Variants in SLC5A7 observed in about 807,000 individuals in gnomAD.
The protein encoded by SLC5A7 is solute carrier family 5 member 7, also known as high affinity choline transporter 1.
A neutral mutation model predicts 55.4 loss-of-function variants in SLC5A7; 19 were observed. The observed-to-expected ratio is 0.34, with a 90% confidence interval of 0.24 to 0.50. The LOEUF is 0.50. SLC5A7 is among the 20% of genes least tolerant of loss of function. SLC5A7 has a pLI of 0.98. For synonymous variants in SLC5A7, 265 were observed against 263.7 expected, an observed-to-expected ratio of 1.00 and a Z score of -0.05; for missense variants, 506 against 705.3, an observed-to-expected ratio of 0.72 and a Z score of 3.20.
chr2:108,010,839 G>A lies in SLC5A7; in HGVS notation c.1721G>A (p.Gly574Glu), dbSNP rs1222691698. 1 of 1,585,916 alleles carries A rather than the reference G, an allele frequency of 6.3e-7. No individual in the cohort carries two copies. The highest frequency in any genetic ancestry group is 8.5e-7 in the Non-Finnish European group (1 of 1,171,746). ...LDVDSSPEGS[G>E]TEDNLQ ...GTTGATTCCAGTCCAGAAGGGTCTG[G>A]GACTGAAGATAATTTACAGTGACCC... The change falls in exon 9 of 9, where the codon GGG (glycine) becomes GAG (glutamate). Residue 574 changes from glycine (G) to glutamate (E), a missense_variant. Physicochemically the swap from Gly to Glu is moderately conservative, Grantham distance 98. This residue lies in a region of SLC5A7 where 137 missense variants were observed against 143.6 expected (regional missense o/e 0.95). Coordinates refer to ENST00000264047, the MANE Select transcript of SLC5A7 (RefSeq NM_021815.5).
chr2:107,991,701 C>T (rs933785315), intron 2 of SLC5A7, among the ~76,000 whole-genome samples: 3 of 152,152 alleles, frequency 2.0e-5, no homozygotes, highest in African/African-American at 7.2e-5. Context: ...AGAAAATTTA[C>T]CCCTTGACCT....
intron 4 of SLC5A7, among the ~76,000 whole-genome samples, chr2:107,995,861 G>T (rs923843403): frequency 6.6e-6 from 1 of 152,010 alleles, no homozygotes; most frequent in Non-Finnish European, 1.5e-5. Context: ...AACTTTGCAG[G>T]ATACTTATTT....
intron 6 of SLC5A7, among the ~76,000 whole-genome samples, chr2:108,002,995 T>A (rs969194790): frequency 1.3e-5 from 2 of 152,206 alleles, no homozygotes; most frequent in African/African-American, 4.8e-5. Context: ...AATTCTAGCA[T>A]TACCTCAACA....
rs892794431 is a variant in SLC5A7, at chr2:108,013,066, G to C, written c.*2205G>C. On this transcript the variant is annotated 3_prime_UTR_variant, in exon 9 of 9. Transcript: ENST00000264047. ...AACAGGGAGGCATAGTCTCTCTACA[G>C]GTCTCTCTCTTTACGTTGTACCATT... is the stretch of plus-strand genomic sequence containing the variant. The C allele has an allele frequency of 6.6e-6, 1 of 151,962 alleles. No homozygotes were observed. The highest frequency in any genetic ancestry group is 2.4e-5 in the African/African-American group (1 of 41,394). The allele number at this position is 151,962 out of a possible 1,614,324, so 9.4% of individuals were successfully genotyped here.
rs920127682 is a variant in SLC5A7 at position 108,006,643 on chromosome 2, A to G, written c.895+441A>G. 5.9e-5 allele frequency among the ~76,000 whole-genome samples: 9 copies of G among 152,182 alleles called. 1 individual carries two copies. The highest frequency in any genetic ancestry group is 4.1e-4 in the South Asian group (2 of 4,826). ...CAGCAGTGGATCTCAACCAAGGTGCATGCTGACATCATCTGGGGAATGGTG... is the reference window on the plus strand; with the variant it reads ...CAGCAGTGGATCTCAACCAAGGTGCGTGCTGACATCATCTGGGGAATGGTG... On this transcript the variant is annotated intron_variant, in intron 7 of 8. Coordinates refer to ENST00000264047, the MANE Select transcript of SLC5A7 (RefSeq NM_021815.5).
chr2:108,008,712 T>G (rs1678209018), intron 8 of SLC5A7, 30 bp downstream of exon 8: 1 of 1,572,946 alleles, frequency 6.4e-7, no homozygotes, highest in Non-Finnish European at 8.7e-7. Flanking sequence ...ACCTGACATT[T>G]ACTAGCATTG....
intron 6 of SLC5A7, among the ~76,000 whole-genome samples, chr2:108,004,640 C>G (rs1391691106): frequency 1.3e-5 from 2 of 152,166 alleles, no homozygotes; most frequent in African/African-American, 4.8e-5. Flanking sequence ...GTAATCTAGC[C>G]AAAAGTATGC....
intron 1 of SLC5A7, among the ~76,000 whole-genome samples, chr2:107,987,681 T>C (rs982699001): frequency 1.2e-4 from 19 of 152,214 alleles, no homozygotes; most frequent in African/African-American, 4.3e-4. Flanking sequence ...AGAATGGTCA[T>C]TTATGAAACA....
intron 6 of SLC5A7, among the ~76,000 whole-genome samples, chr2:108,003,519 G>A (rs184363397): frequency 6.6e-6 from 1 of 152,266 alleles, no homozygotes; most frequent in East Asian, 1.9e-4. Flanking sequence ...ATAGAAATTG[G>A]CCTTGAAATG....
chr2:108,004,443 T>C (rs2450282), intron 6 of SLC5A7, among the ~76,000 whole-genome samples: 147,166 of 152,234 alleles, frequency 0.97, 71,176 homozygotes, highest in South Asian at 0.99. Context: ...GTTACAGACA[T>C]TCTGCTTAGC....
chr2:108,010,313 A>G lies in SLC5A7; in HGVS notation c.1195A>G (p.Thr399Ala). 6.2e-7 allele frequency: 1 copy of G among 1,613,958 alleles called. No individual in the cohort carries two copies. Among genetic ancestry groups the G allele is most frequent in the Non-Finnish European group, 8.5e-7 (1 of 1,179,918 alleles). ...GASATAMALL[T>A]KTVYGLWYLS... ...ATCTGCAACAGCCATGGCCTTGCTG[A>G]CGAAAACTGTGTATGGGCTCTGGTA... is the stretch of plus-strand genomic sequence containing the variant. The change falls in exon 9 of 9, where the codon ACG (threonine) becomes GCG (alanine). Residue 399 changes from threonine to alanine, a missense_variant. Physicochemically the swap from Thr to Ala is moderately conservative, Grantham distance 58 (BLOSUM62 0). Transcript: ENST00000264047.
intron 7 of SLC5A7, among the ~76,000 whole-genome samples, chr2:108,007,231 T>A (rs1678158982): frequency 6.6e-6 from 1 of 152,132 alleles, no homozygotes; most frequent in African/African-American, 2.4e-5. Context: ...TCTGTAAAGG[T>A]GATCCAGGGT....
At chr2:107,997,301 T>G (rs952516025) in intron 4 of SLC5A7, among the ~76,000 whole-genome samples, 1 of 152,188 alleles carries the variant, frequency 6.6e-6, no homozygotes, top group Non-Finnish European at 1.5e-5. Context: ...CCTACAGTGT[T>G]TAGTACGGTA....
intron 4 of SLC5A7, among the ~76,000 whole-genome samples, chr2:107,996,907 A>G (rs1677691966): frequency 6.6e-6 from 1 of 152,214 alleles, no homozygotes; most frequent in Non-Finnish European, 1.5e-5. Context: ...ATAAAAGAAG[A>G]GTGATCTGTC....
intron 2 of SLC5A7, among the ~76,000 whole-genome samples, 162 bp from the exon 3 acceptor site, chr2:107,991,944 A>C (rs1336109182): frequency 6.6e-6 from 1 of 152,196 alleles, no homozygotes; most frequent in South Asian, 2.1e-4. Flanking sequence ...TGAAAGAAAA[A>C]ACATTTGAAA....
chr2:108,003,107 C>T (rs980422484), intron 6 of SLC5A7, among the ~76,000 whole-genome samples: 2 of 152,042 alleles, frequency 1.3e-5, no homozygotes, highest in African/African-American at 4.8e-5. Flanking sequence ...GCTTCTTTGC[C>T]TAAGGATTGT....
In SLC5A7 at chr2:108,001,944, C is replaced by G; in HGVS notation, c.645C>G (p.Ile215Met). The G allele has an allele frequency of 1.9e-6, 3 of 1,614,126 alleles. No homozygotes were observed. The highest frequency in any genetic ancestry group is 2.2e-5 in the East Asian group (1 of 44,882). ...FALSHPAVAD[I>M]GFTAVHAKYQ... ...TGTCACATCCTGCAGTCGCAGACAT[C>G]GGGTTCACTGCTGTGCATGCCAAAT... The change falls in exon 6 of 9, where the codon ATC becomes ATG. Residue 215 changes from isoleucine (I) to methionine (M), a missense_variant. By Grantham distance (10) the Ile-to-Met change is conservative (BLOSUM62 1). Coordinates refer to ENST00000264047, the MANE Select transcript of SLC5A7 (RefSeq NM_021815.5).
chr2:108,000,686 T>C (rs1399037870), intron 5 of SLC5A7, among the ~76,000 whole-genome samples: 1 of 151,934 alleles, frequency 6.6e-6, no homozygotes, highest in Admixed American at 6.6e-5. Context: ...CCTCTGCCTC[T>C]CAGGTTTAAG....
intron 8 of SLC5A7, 126 bp from the exon 9 acceptor site, chr2:108,010,106 T>G: frequency 1.7e-6 from 2 of 1,199,466 alleles, no homozygotes; most frequent in Non-Finnish European, 2.3e-6. Context: ...GTTTTTCCCA[T>G]AGATTGAGCC....
Sources: allele counts gnomAD v4.1 joint callset (sites outside exome capture counted in the v4.1 genomes callset), GRCh38; gene constraint gnomAD v4.1.1; regional missense constraint gnomAD v4.1.1; transcripts MANE v1.5; gene names NCBI Gene and HGNC (gene_info 2026-07-23, HGNC 2026-07-21).